Variants in RC3H1 observed in about 807,000 individuals in gnomAD.
The protein encoded by RC3H1 is roquin-1.
RC3H1 carries 50 observed loss-of-function variants against 138.2 expected under a neutral mutation model. That is an observed-to-expected ratio of 0.36 (90% CI 0.29 to 0.46). The LOEUF (loss-of-function observed/expected upper bound fraction) is 0.46, where lower values mean the gene tolerates loss of function less well. Among genes scored for constraint, RC3H1 ranks in the 20% least tolerant of loss-of-function variants. The probability of loss-of-function intolerance (pLI) is 1.00; values close to 1 mark genes in which losing one functional copy is unlikely to be tolerated. For synonymous variants in RC3H1, 462 were observed against 489.1 expected (o/e 0.94, Z 0.73); for missense variants, 1,031 against 1,388.1 (o/e 0.74, Z 4.09).
intron 1 of RC3H1, among the ~76,000 whole-genome samples, chr1:174,000,094 G>C (rs1661537366): frequency 6.6e-6 from 1 of 152,176 alleles, no homozygotes; most frequent in Non-Finnish European, 1.5e-5. Context: ...AAAATCATTT[G>C]TGTATTTAAA....
chr1:173,939,030 C>T (rs1205119513), intron 19 of RC3H1, among the ~76,000 whole-genome samples, 159 bp from the exon 20 acceptor site: 1 of 151,968 alleles, frequency 6.6e-6, no homozygotes, highest in Non-Finnish European at 1.5e-5. Context: ...AGTTGGCAAA[C>T]TAAAGCTAGC....
At chr1:173,956,130 CA>C (rs552947734) in intron 13 of RC3H1, among the ~76,000 whole-genome samples, 74 of 86,346 alleles carry the variant, frequency 8.6e-4, no homozygotes, top group Non-Finnish European at 1.3e-3. Context: ...GAGTCTGTCT[CA>C]AAAAAAAAAA....
intron 1 of RC3H1, among the ~76,000 whole-genome samples, chr1:173,998,115 C>T (rs1307056228): frequency 2.0e-5 from 3 of 151,972 alleles, no homozygotes; most frequent in Non-Finnish European, 2.9e-5. Context: ...TGAACTTCCT[C>T]AGAAAAAGGT....
In RC3H1 at chr1:173,992,764, C is replaced by T. The variant is rs765802184; in HGVS notation, c.222G>A (p.Val74=). Reference sequence around the variant, plus strand: ...AAGTCACCCATCCTACCTGAGCACCCACGAGCTGCAGCAATGCTGAGTTCA... The same window carrying T: ...AAGTCACCCATCCTACCTGAGCACCTACGAGCTGCAGCAATGCTGAGTTCA... ...LPVNSALLQL[V]GAQVPEQQPI... The change falls in exon 2 of 20, where the codon GTG becomes GTA. Residue 74 remains valine, a synonymous_variant. Transcript: ENST00000367696. 25 of 1,613,332 alleles carry T rather than the reference C, an allele frequency of 1.5e-5. No individual in the cohort carries two copies. Among genetic ancestry groups the T allele is most frequent in the Admixed American group, 5.0e-5 (3 of 60,000 alleles).
At chr1:173,945,909 A>G (rs1462432969) in intron 17 of RC3H1, among the ~76,000 whole-genome samples, 2 of 152,032 alleles carry the variant, frequency 1.3e-5, no homozygotes, top group African/African-American at 2.4e-5. Context: ...GGGTTTCACT[A>G]TGTTGGCCAG....
In RC3H1 at chr1:173,980,935, T is replaced by G. The variant is rs1660787120; in HGVS notation, c.843A>C (p.Arg281=). ...EEFRTYEALR[R]EHDSQIVQIA... ...TCTGCACTATCTGGGAGTCATGTTC[T>G]CGCCGCAGAGCTTCATAGGTTCTAA... Residue 281 remains arginine (R), a synonymous_variant, in exon 6 of 20, where the codon CGA becomes CGC. Coordinates refer to ENST00000367696, the MANE Select transcript of RC3H1 (RefSeq NM_172071.4). 1 of 1,613,968 alleles carries G rather than the reference T, an allele frequency of 6.2e-7. No homozygotes were observed. The highest frequency in any genetic ancestry group is 1.3e-5 in the African/African-American group (1 of 74,940).
At chr1:173,976,842 G>A (rs916108922) in intron 7 of RC3H1, among the ~76,000 whole-genome samples, 5 of 152,072 alleles carry the variant, frequency 3.3e-5, no homozygotes, top group Non-Finnish European at 7.4e-5. Context: ...CCATAGTCAA[G>A]AGTGTCAAAC....
rs1415310096 is a variant in RC3H1, at chr1:173,931,789, C to T, written c.*6932G>A. The T allele has an allele frequency of 1.3e-5, 2 of 152,284 alleles. No individual in the cohort carries two copies. The highest frequency in any genetic ancestry group is 4.8e-5 in the African/African-American group (2 of 41,558). 9.4% of individuals were successfully genotyped at this position (152,284 alleles called of 1,614,324 possible). A position where few individuals can be genotyped will look rare whatever the true frequency, so the allele number is the denominator to read the frequency against. On this transcript the variant is annotated 3_prime_UTR_variant, in exon 20 of 20. Transcript: ENST00000367696. ...GCCTGTGAAATTCCAATCCATTTGT[C>T]TTCACCATTCCAACCTATTTGTCTT...
At position 173,947,591 on chromosome 1, in the gene RC3H1, A is replaced by G. The variant is rs1304918289; in HGVS notation, c.2524-9T>C. Reference sequence around the variant, plus strand: ...CCTTTACTCTCCACATTCTGATAAAAAAGCAAAATGAGAAATTACCCCACA... The same window carrying G: ...CCTTTACTCTCCACATTCTGATAAAGAAGCAAAATGAGAAATTACCCCACA... On this transcript the variant is annotated splice_polypyrimidine_tract_variant and intron_variant, in intron 14 of 19. Transcript: ENST00000367696. The G allele has an allele frequency of 6.2e-7, 1 of 1,610,710 alleles. No individual in the cohort carries two copies. The highest frequency in any genetic ancestry group is 1.7e-5 in the Admixed American group (1 of 59,994).
chr1:173,996,298 C>G lies in RC3H1; in HGVS notation c.-150-3163G>C, dbSNP rs536112488. 1.6e-3 allele frequency among the ~76,000 whole-genome samples: 249 copies of G among 151,636 alleles called. 2 individuals are homozygous for G. The highest frequency in any genetic ancestry group is 5.1e-3 in the African/African-American group (210 of 41,320). On this transcript the variant is annotated intron_variant, in intron 1 of 19. Transcript: ENST00000367696. Reference sequence around the variant, plus strand: ...AAAATACATTAAGTAAAAAAAAAAGCCTTGAAGACCAATATATATGACATC... The same window carrying G: ...AAAATACATTAAGTAAAAAAAAAAGGCTTGAAGACCAATATATATGACATC...
intron 1 of RC3H1, among the ~76,000 whole-genome samples, chr1:174,003,984 A>C (rs968624261): frequency 5.3e-5 from 8 of 150,720 alleles, no homozygotes; most frequent in African/African-American, 1.9e-4. Context: ...TTATCACAGT[A>C]ACTGGTATGT....
At chr1:173,953,309 G>C (rs1353551064) in intron 13 of RC3H1, among the ~76,000 whole-genome samples, 1 of 152,032 alleles carries the variant, frequency 6.6e-6, no homozygotes, top group Non-Finnish European at 1.5e-5. Context: ...GTCTCGCTCT[G>C]TCACCCAGGC....
rs1210970454 is a variant in RC3H1, at chr1:174,019,127, C to T, written c.-151+2969G>A. On this transcript the variant is annotated intron_variant, in intron 1 of 19. Coordinates refer to ENST00000367696, the MANE Select transcript of RC3H1 (RefSeq NM_172071.4). ...AACAAATTAACCATGAAAACAATTA[C>T]AGCAGTATGATAAATCTGTCCTATG... Among the ~76,000 whole-genome samples, 7 of 152,276 alleles carry T rather than the reference C, an allele frequency of 4.6e-5. No individual in the cohort carries two copies. In the East Asian group the frequency reaches 7.7e-4, roughly 17 times the overall value.
At chr1:174,020,561 G>T (rs1661938749) in intron 1 of RC3H1, among the ~76,000 whole-genome samples, 2 of 152,116 alleles carry the variant, frequency 1.3e-5, no homozygotes, top group Admixed American at 6.5e-5. Context: ...TAACCCTTAG[G>T]CCTTGCAGTT....
intron 2 of RC3H1, among the ~76,000 whole-genome samples, chr1:173,988,105 A>G (rs980300538): frequency 2.0e-5 from 3 of 152,162 alleles, no homozygotes; most frequent in African/African-American, 7.2e-5. Flanking sequence ...TATACTTCAG[A>G]TTGTCTTCCA....
At position 174,012,153 on chromosome 1, in the gene RC3H1, C is replaced by G. The variant is rs1177997803; in HGVS notation, c.-151+9943G>C. Among the ~76,000 whole-genome samples, 5 of 151,716 alleles carry G rather than the reference C, an allele frequency of 3.3e-5. No individual in the cohort carries two copies. The South Asian group carries it at 8.3e-4, about 25-fold the overall frequency. On this transcript the variant is annotated intron_variant, in intron 1 of 19. Coordinates refer to ENST00000367696, the MANE Select transcript of RC3H1 (RefSeq NM_172071.4). ...GCCTGAGGTGAGTGGATCACTTGAGCCTGGGAGGTCAAGGCTGCAGTGAGC... is the reference window on the plus strand; with the variant it reads ...GCCTGAGGTGAGTGGATCACTTGAGGCTGGGAGGTCAAGGCTGCAGTGAGC...
intron 17 of RC3H1, among the ~76,000 whole-genome samples, chr1:173,945,401 C>T (rs934425452): frequency 6.6e-6 from 1 of 152,198 alleles, no homozygotes. Context: ...GCTGGGATTA[C>T]AAGCATGAAC....
At chr1:173,953,706 C>T (rs1027080091) in intron 13 of RC3H1, among the ~76,000 whole-genome samples, 1 of 152,120 alleles carries the variant, frequency 6.6e-6, no homozygotes, top group Non-Finnish European at 1.5e-5. Context: ...GCAAGACAGA[C>T]ATAAAACCAA....
intron 9 of RC3H1, among the ~76,000 whole-genome samples, chr1:173,966,253 A>G (rs1195093049): frequency 6.6e-6 from 1 of 152,210 alleles, no homozygotes; most frequent in Non-Finnish European, 1.5e-5. Flanking sequence ...GGTTAATGGA[A>G]CCAATACAGA....
Sources: allele counts gnomAD v4.1 joint callset (sites outside exome capture counted in the v4.1 genomes callset), GRCh38; gene constraint gnomAD v4.1.1; transcripts MANE v1.5; gene names NCBI Gene and HGNC (gene_info 2026-07-23, HGNC 2026-07-21).